SAE1: variants seen among roughly 807,000 people sequenced by gnomAD.
SAE1 encodes the protein SUMO-activating enzyme subunit 1.
Under a neutral mutation model 40.6 loss-of-function variants are expected in SAE1, and 11 were observed. The observed-to-expected ratio is 0.27, with a 90% CI of 0.17 to 0.45. The LOEUF (loss-of-function observed/expected upper bound fraction) is 0.45, where lower values mean the gene tolerates loss of function less well. Ranked by LOEUF, SAE1 falls within the 20% of genes least tolerant of loss-of-function variation. The pLI is 1.00. For synonymous variants in SAE1, 155 were observed against 154.3 expected (o/e 1.00, Z -0.03); for missense variants, 373 against 427.3 (o/e 0.87, Z 1.12).
rs567989865 is a variant in SAE1, at chr19:47,161,897, C to G, written c.627+6684C>G. Among the ~76,000 whole-genome samples the G allele has an allele frequency of 3.3e-5, 5 of 152,340 alleles. No individual in the cohort carries two copies. The East Asian group carries it at 7.7e-4, about 23-fold the overall frequency. On this transcript the variant is annotated intron_variant, in intron 5 of 8. Coordinates refer to ENST00000270225, the MANE Select transcript of SAE1 (RefSeq NM_005500.3). ...GGTGCCACCTGCTTTTAAGGAGAAGCAACACGTTTGTGAGGCCATCTGTTT... is the reference window on the plus strand; with the variant it reads ...GGTGCCACCTGCTTTTAAGGAGAAGGAACACGTTTGTGAGGCCATCTGTTT...
At chr19:47,185,634 C>T (rs530783786) in intron 6 of SAE1, among the ~76,000 whole-genome samples, 2 of 151,952 alleles carry the variant, frequency 1.3e-5, no homozygotes, top group East Asian at 3.9e-4. Context: ...CAGAGTCTCA[C>T]TGTGTCTCCC....
At chr19:47,181,095 T>C (rs1349560039) in intron 6 of SAE1, among the ~76,000 whole-genome samples, 1 of 152,062 alleles carries the variant, frequency 6.6e-6, no homozygotes, top group Non-Finnish European at 1.5e-5. Context: ...GGCAGGTGGA[T>C]CACCTGAGGT....
At chr19:47,131,161 C>G (rs1485155569) in intron 1 of SAE1, 133 bp downstream of exon 1, 7 of 1,424,004 alleles carry the variant, frequency 4.9e-6, no homozygotes, top group African/African-American at 3.0e-5. Flanking sequence ...GGGATCGTCT[C>G]TCTCTTGGGG....
At chr19:47,165,769 A>G (rs530941193) in intron 5 of SAE1, among the ~76,000 whole-genome samples, 1 of 152,242 alleles carries the variant, frequency 6.6e-6, no homozygotes, top group East Asian at 1.9e-4. Context: ...GTTAGTTTGA[A>G]CCAAAAGGAT....
chr19:47,183,060 T>G (rs566007218), intron 6 of SAE1, among the ~76,000 whole-genome samples: 1 of 152,136 alleles, frequency 6.6e-6, no homozygotes, highest in South Asian at 2.1e-4. Flanking sequence ...GGATTACAGG[T>G]GCCTACCACC....
intron 6 of SAE1, among the ~76,000 whole-genome samples, chr19:47,182,494 T>TGTGTGTGTGTGTGTGC (rs1555794374): frequency 7.3e-6 from 1 of 137,316 alleles, no homozygotes; most frequent in African/African-American, 3.1e-5. Flanking sequence ...TGTGTGTGTG[T>TGTGTGTGTGTGTGTGC]GTGCGCGCAC....
intron 7 of SAE1, among the ~76,000 whole-genome samples, chr19:47,200,277 A>T (rs2058645013): frequency 6.8e-6 from 1 of 146,862 alleles, no homozygotes; most frequent in African/African-American, 2.5e-5. Flanking sequence ...TCTGTTGCCT[A>T]GGCTAGAGTG....
chr19:47,195,942 C>T (rs2058611510), intron 6 of SAE1, among the ~76,000 whole-genome samples: 1 of 150,654 alleles, frequency 6.6e-6, no homozygotes, highest in Admixed American at 6.6e-5. Flanking sequence ...CTATGTTGCC[C>T]AGGATTATCT....
At chr19:47,183,146 C>G (rs2058521887) in intron 6 of SAE1, among the ~76,000 whole-genome samples, 1 of 152,098 alleles carries the variant, frequency 6.6e-6, no homozygotes. Flanking sequence ...AAACTCTTGA[C>G]CTCAGGTGAT....
At chr19:47,159,890 C>T (rs1299550881) in intron 5 of SAE1, among the ~76,000 whole-genome samples, 1 of 152,150 alleles carries the variant, frequency 6.6e-6, no homozygotes, top group Non-Finnish European at 1.5e-5. Flanking sequence ...GACGGTATTT[C>T]TCCATATTGG....
chr19:47,189,998 C>G (rs1344413781), intron 6 of SAE1, among the ~76,000 whole-genome samples: 1 of 152,110 alleles, frequency 6.6e-6, no homozygotes, highest in Non-Finnish European at 1.5e-5. Flanking sequence ...ATTCACATAT[C>G]CACAGTTTTT....
chr19:47,174,299 CT>C (rs766044817), intron 6 of SAE1, among the ~76,000 whole-genome samples: 387 of 130,136 alleles, frequency 3.0e-3, no homozygotes, highest in Admixed American at 4.4e-3. Context: ...TTTTCTTTTT[CT>C]TTTTTTTTTT....
intron 5 of SAE1, among the ~76,000 whole-genome samples, chr19:47,161,700 G>T (rs1031689612): frequency 1.3e-5 from 2 of 152,176 alleles, no homozygotes; most frequent in East Asian, 3.8e-4. Context: ...AACATTACTG[G>T]TATGGTGAGG....
chr19:47,164,906 C>T (rs899368575), intron 5 of SAE1, among the ~76,000 whole-genome samples: 1 of 151,828 alleles, frequency 6.6e-6, no homozygotes, highest in Admixed American at 6.6e-5. Flanking sequence ...CCTGCCTCAG[C>T]CTCCCAAAGT....
At chr19:47,164,171 A>T (rs1469542191) in intron 5 of SAE1, among the ~76,000 whole-genome samples, 1 of 151,374 alleles carries the variant, frequency 6.6e-6, no homozygotes, top group African/African-American at 2.4e-5. Context: ...TTTTATTTTT[A>T]TTTTTTTATT....
At position 47,157,904 on chromosome 19, in the gene SAE1, T is replaced by A. The variant is rs191395779; in HGVS notation, c.627+2691T>A. Among the ~76,000 whole-genome samples the A allele has an allele frequency of 2.6e-5, 4 of 152,326 alleles. No individual in the cohort carries two copies. In the East Asian group the frequency reaches 7.7e-4, roughly 29 times the overall value. On this transcript the variant is annotated intron_variant, in intron 5 of 8. Transcript: ENST00000270225. ...CTCACCAAGGGCCCTGCGGACCGAC[T>A]GGGCTGGACTGGGTTTTGGCCATGG...
At chr19:47,170,781 A>G (rs1457352231) in intron 6 of SAE1, among the ~76,000 whole-genome samples, 1 of 152,168 alleles carries the variant, frequency 6.6e-6, no homozygotes, top group Non-Finnish European at 1.5e-5. Flanking sequence ...TGCTGGAGTT[A>G]AAGGCGTAAG....
In SAE1 at chr19:47,162,578, C is replaced by G. The variant is rs530093438; in HGVS notation, c.628-7240C>G. ...ACTTTGTTAAAGCTTTTTAAAGATT[C>G]TTGGTCCCTCTACCCTCCCCACCCC... On this transcript the variant is annotated intron_variant, in intron 5 of 8. Transcript: ENST00000270225. Among the ~76,000 whole-genome samples, 60 of 152,162 alleles carry G rather than the reference C, an allele frequency of 3.9e-4. 1 individual carries two copies. The South Asian group carries it at 0.012, about 30-fold the overall frequency.
At chr19:47,194,395 T>G (rs988759680) in intron 6 of SAE1, among the ~76,000 whole-genome samples, 6 of 152,234 alleles carry the variant, frequency 3.9e-5, no homozygotes, top group Non-Finnish European at 8.8e-5. Flanking sequence ...TTAATTTTTA[T>G]GTAGGAACCC....
Sources: allele counts gnomAD v4.1 joint callset (sites outside exome capture counted in the v4.1 genomes callset), GRCh38; gene constraint gnomAD v4.1.1; transcripts MANE v1.5; gene names NCBI Gene and HGNC (gene_info 2026-07-23, HGNC 2026-07-21).